Variants in EYS observed in about 807,000 individuals in gnomAD.
EYS encodes EGF-like photoreceptor maintenance factor.
Under a neutral mutation model 282.1 loss-of-function variants are expected in EYS, and 250 were observed. The ratio of observed to expected loss-of-function variants is 0.89; its 90% CI spans 0.80 to 0.98. The LOEUF is 0.98. EYS is among the 50% of genes least tolerant of loss of function. The probability of loss-of-function intolerance (pLI) is 0.00; values close to 1 mark genes in which losing one functional copy is unlikely to be tolerated. For synonymous variants in EYS, 1,355 were observed against 1,282.9 expected (o/e 1.06, Z -1.20); for missense variants, 4,016 against 3,709.0 (o/e 1.08, Z -2.15).
chr6:64,102,903 C>T (rs115731339), intron 31 of EYS, among the ~76,000 whole-genome samples: 231 of 139,858 alleles, frequency 1.7e-3, no homozygotes, highest in African/African-American at 7.0e-3. Context: ...TCTTTTTTTT[C>T]ATGACTTCAA....
intron 13 of EYS, among the ~76,000 whole-genome samples, chr6:65,030,893 T>C (rs970967691): frequency 1.5e-4 from 23 of 152,056 alleles, no homozygotes; most frequent in African/African-American, 4.8e-4. Context: ...CTGTATGCTG[T>C]CTTTAAGAGA....
chr6:64,191,022 T>C (rs1256232311), intron 31 of EYS, among the ~76,000 whole-genome samples: 2 of 152,142 alleles, frequency 1.3e-5, no homozygotes, highest in African/African-American at 4.8e-5. Context: ...TTCTGAGAAA[T>C]ATCTGTGTTT....
chr6:64,011,518 G>A (rs1054872338), intron 33 of EYS, among the ~76,000 whole-genome samples: 1 of 151,450 alleles, frequency 6.6e-6, no homozygotes, highest in African/African-American at 2.4e-5. Context: ...TGTGCTATAG[G>A]CATTTGAATG....
chr6:65,273,251 A>G (rs1767952319), intron 12 of EYS, among the ~76,000 whole-genome samples: 1 of 152,202 alleles, frequency 6.6e-6, no homozygotes, highest in Non-Finnish European at 1.5e-5. Flanking sequence ...GGTAACTGAA[A>G]CCATGGAAAG....
At chr6:64,296,674 T>A (rs1448119633) in intron 30 of EYS, among the ~76,000 whole-genome samples, 1 of 149,906 alleles carries the variant, frequency 6.7e-6, no homozygotes, top group Non-Finnish European at 1.5e-5. Context: ...TGGTGTGATC[T>A]TGGCTCACTG....
chr6:65,230,790 T>A (rs147510630), intron 12 of EYS, among the ~76,000 whole-genome samples: 4 of 151,756 alleles, frequency 2.6e-5, no homozygotes, highest in African/African-American at 4.8e-5. Flanking sequence ...AGTAGAAATT[T>A]TAAAATTTGC....
intron 30 of EYS, among the ~76,000 whole-genome samples, chr6:64,274,488 T>TTTTTTTTTTTGTA (rs1161061240): frequency 3.4e-5 from 5 of 148,316 alleles, no homozygotes; most frequent in African/African-American, 1.3e-4. Context: ...GCCGTTTTTT[T>TTTTTTTTTTTGTA]TTTTTTTTTT....
intron 28 of EYS, among the ~76,000 whole-genome samples, chr6:64,396,812 C>G (rs1582700368): frequency 6.6e-6 from 1 of 152,142 alleles, no homozygotes; most frequent in East Asian, 1.9e-4. Flanking sequence ...TGTCTTAAGA[C>G]TTACTCTAAA....
At position 65,084,598 on chromosome 6, in the gene EYS, T is replaced by G. The variant is rs111911396; in HGVS notation, c.2024-26871A>C. On this transcript the variant is annotated intron_variant, in intron 12 of 42. Coordinates refer to ENST00000503581, the MANE Select transcript of EYS (RefSeq NM_001142800.2). The stretch of plus-strand genomic sequence containing the variant: ...ATCCTATGGTATGCCCTTCCTATTC[T>G]AAGTGTCAGAGACAAGGAACCAAAT... Among the ~76,000 whole-genome samples the G allele has an allele frequency of 4.9e-3, 744 of 152,212 alleles. 4 individuals carry two copies. The highest frequency in any genetic ancestry group is 0.016 in the African/African-American group (647 of 41,566).
At chr6:64,581,516 A>T (rs1371284503) in intron 26 of EYS, among the ~76,000 whole-genome samples, 1 of 152,066 alleles carries the variant, frequency 6.6e-6, no homozygotes, top group East Asian at 1.9e-4. Flanking sequence ...ATGTAAGAAA[A>T]ATTTTCAAAT....
chr6:64,317,788 A>G (rs2150382320), intron 29 of EYS, among the ~76,000 whole-genome samples: 1 of 152,280 alleles, frequency 6.6e-6, no homozygotes, highest in African/African-American at 2.4e-5. Flanking sequence ...CCAAATGCCC[A>G]TGAATGATAG....
At chr6:65,622,870 A>G (rs1016133406) in intron 2 of EYS, among the ~76,000 whole-genome samples, 2 of 151,630 alleles carry the variant, frequency 1.3e-5, no homozygotes, top group Non-Finnish European at 2.9e-5. Flanking sequence ...GGTCCTCCCA[A>G]CATCACCCTC....
At chr6:65,553,187 CTGACA>C (rs1250446215) in intron 2 of EYS, among the ~76,000 whole-genome samples, 1 of 152,088 alleles carries the variant, frequency 6.6e-6, no homozygotes, top group African/African-American at 2.4e-5. Flanking sequence ...AAATGATAAC[CTGACA>C]TGTCTTATTT....
At position 63,753,148 on chromosome 6, in the gene EYS, A is replaced by G. The variant is rs1042575063; in HGVS notation, c.8071+9313T>C. Among the ~76,000 whole-genome samples the G allele has an allele frequency of 4.5e-3, 524 of 115,600 alleles. 5 individuals carry two copies. Among genetic ancestry groups the G allele is most frequent in the African/African-American group, 0.017 (498 of 29,238 alleles). The allele number at this position is 115,600 out of a possible 152,430, so 75.8% of individuals were successfully genotyped here. The stretch of plus-strand genomic sequence containing the variant: ...TGTGTATGTGTGTGTGTGTATATAT[A>G]TATATATATATATATATATGTATAT... On this transcript the variant is annotated intron_variant, in intron 41 of 42. Coordinates refer to ENST00000503581, the MANE Select transcript of EYS (RefSeq NM_001142800.2).
intron 2 of EYS, among the ~76,000 whole-genome samples, chr6:65,511,823 C>A (rs1021607212): frequency 6.6e-6 from 1 of 151,664 alleles, no homozygotes; most frequent in Non-Finnish European, 1.5e-5. Context: ...TGTGATGGCA[C>A]ACACTCCTAT....
chr6:65,024,484 T>C (rs1457873039), intron 13 of EYS, among the ~76,000 whole-genome samples: 1 of 152,220 alleles, frequency 6.6e-6, no homozygotes, highest in Admixed American at 6.5e-5. Context: ...TTCAACCTCA[T>C]TACAGGGCTG....
At chr6:64,636,654 A>C (rs994786681) in intron 22 of EYS, among the ~76,000 whole-genome samples, 4 of 152,116 alleles carry the variant, frequency 2.6e-5, no homozygotes, top group African/African-American at 7.2e-5. Flanking sequence ...TGAACAGGCA[A>C]CCTACAGAAT....
At chr6:65,017,373 A>G (rs979181155) in intron 13 of EYS, among the ~76,000 whole-genome samples, 6 of 152,250 alleles carry the variant, frequency 3.9e-5, no homozygotes, top group Non-Finnish European at 2.9e-5. Context: ...ACACTTTTAA[A>G]TAATTTTTTA....
At chr6:63,792,552 A>C (rs1038023418) in intron 37 of EYS, among the ~76,000 whole-genome samples, 4 of 152,190 alleles carry the variant, frequency 2.6e-5, no homozygotes, top group African/African-American at 9.7e-5. Flanking sequence ...ACAAACCTGC[A>C]CATTGTGCAC....
Sources: allele counts gnomAD v4.1 joint callset (sites outside exome capture counted in the v4.1 genomes callset), GRCh38; gene constraint gnomAD v4.1.1; transcripts MANE v1.5; gene names NCBI Gene and HGNC (gene_info 2026-07-23, HGNC 2026-07-21).